The following TNR variants were observed in gnomAD, a reference collection of about 807,000 sequenced individuals.
TNR encodes tenascin-R.
A neutral mutation model predicts 150.4 loss-of-function variants in TNR; 45 were observed. That is an observed-to-expected ratio of 0.30 (90% confidence interval 0.24 to 0.38). The LOEUF (loss-of-function observed/expected upper bound fraction) is 0.38, where lower values mean the gene tolerates loss of function less well. Among genes scored for constraint, TNR ranks in the 10% least tolerant of loss-of-function variants. The pLI, the probability that TNR is intolerant of heterozygous loss-of-function variation, is 1.00. For synonymous variants in TNR, 687 were observed against 678.4 expected (o/e 1.01, Z -0.20); for missense variants, 1,544 against 1,759.1 (o/e 0.88, Z 2.19).
chr1:175,550,265 G>A (rs574921927), intron 1 of TNR, among the ~76,000 whole-genome samples: 1 of 152,308 alleles, frequency 6.6e-6, no homozygotes, highest in East Asian at 1.9e-4. Context: ...TAGGCAGGAG[G>A]CTGCATGAGG....
intron 18 of TNR, among the ~76,000 whole-genome samples, chr1:175,346,806 G>A (rs73036258): frequency 0.02 from 2,884 of 146,120 alleles, 96 homozygotes; most frequent in African/African-American, 0.069. Context: ...ACAAAGAAAC[G>A]AAAAGACACA....
At chr1:175,430,229 T>A (rs1258344935) in intron 2 of TNR, among the ~76,000 whole-genome samples, 1 of 152,142 alleles carries the variant, frequency 6.6e-6, no homozygotes, top group East Asian at 1.9e-4. Context: ...TTGTTTAGAA[T>A]TGACTCTGCT....
At chr1:175,714,524 A>C (rs1224896144) in intron 1 of TNR, among the ~76,000 whole-genome samples, 1 of 152,190 alleles carries the variant, frequency 6.6e-6, no homozygotes, top group Non-Finnish European at 1.5e-5. Flanking sequence ...AATTCTAGAT[A>C]GATGGGCTGG....
chr1:175,735,794 C>A (rs567228900), intron 1 of TNR, among the ~76,000 whole-genome samples: 51 of 152,190 alleles, frequency 3.4e-4, no homozygotes, highest in African/African-American at 1.1e-3. Context: ...AAAGGAAACC[C>A]AAGTGTTCAT....
chr1:175,496,460 T>A (rs1173752632), intron 2 of TNR, among the ~76,000 whole-genome samples: 2 of 152,224 alleles, frequency 1.3e-5, no homozygotes, highest in African/African-American at 2.4e-5. Flanking sequence ...GACTCGGGGC[T>A]GCCATATGCA....
chr1:175,582,688 C>G (rs1279036433), intron 1 of TNR, among the ~76,000 whole-genome samples: 2 of 152,174 alleles, frequency 1.3e-5, no homozygotes. Context: ...AGGACCACAC[C>G]ACTATGGAGA....
chr1:175,380,413 A>G (rs1343478837), intron 8 of TNR, among the ~76,000 whole-genome samples: 1 of 152,108 alleles, frequency 6.6e-6, no homozygotes, highest in African/African-American at 2.4e-5. Flanking sequence ...TAGGCAATCC[A>G]TGGGCATCTG....
At chr1:175,544,407 G>C (rs891176090) in intron 1 of TNR, among the ~76,000 whole-genome samples, 1 of 152,168 alleles carries the variant, frequency 6.6e-6, no homozygotes. Context: ...CGGGATAGGG[G>C]CAGGGAGGAA....
chr1:175,629,627 G>A (rs1664262867), intron 1 of TNR, among the ~76,000 whole-genome samples: 1 of 152,264 alleles, frequency 6.6e-6, no homozygotes, highest in South Asian at 2.1e-4. Context: ...AGGCTGCAAG[G>A]GGTTGCAGGA....
At chr1:175,327,207 C>A (rs1436464288) in intron 21 of TNR, among the ~76,000 whole-genome samples, 1 of 152,116 alleles carries the variant, frequency 6.6e-6, no homozygotes, top group Non-Finnish European at 1.5e-5. Flanking sequence ...CTGAGGCTGC[C>A]TTCCACTGTC....
At chr1:175,473,796 A>G (rs1441162128) in intron 2 of TNR, among the ~76,000 whole-genome samples, 1 of 152,174 alleles carries the variant, frequency 6.6e-6, no homozygotes, top group Non-Finnish European at 1.5e-5. Flanking sequence ...TGTACAATCT[A>G]CCCGGAAAGA....
intron 2 of TNR, among the ~76,000 whole-genome samples, chr1:175,436,425 C>T (rs1168964767): frequency 6.6e-6 from 1 of 152,128 alleles, no homozygotes; most frequent in African/African-American, 2.4e-5. Context: ...TCCAGTTAAT[C>T]GAATCGGCTA....
intron 1 of TNR, among the ~76,000 whole-genome samples, chr1:175,711,246 G>A (rs1026299766): frequency 6.6e-6 from 1 of 152,166 alleles, no homozygotes; most frequent in African/African-American, 2.4e-5. Context: ...AAGTTCACCA[G>A]GGCAGGCTTC....
chr1:175,536,730 T>C (rs1280604112), intron 1 of TNR, among the ~76,000 whole-genome samples: 1 of 152,144 alleles, frequency 6.6e-6, no homozygotes, highest in Non-Finnish European at 1.5e-5. Context: ...GGCAGCAGAG[T>C]CTGGGCTGAG....
At chr1:175,518,219 T>G (rs1313684359) in intron 2 of TNR, among the ~76,000 whole-genome samples, 1 of 152,224 alleles carries the variant, frequency 6.6e-6, no homozygotes, top group Admixed American at 6.5e-5. Flanking sequence ...CAAGCTTGAA[T>G]TGCTGCTTCT....
At chr1:175,331,083 T>TTCTTTCCTTC (rs1649838499) in intron 20 of TNR, among the ~76,000 whole-genome samples, 6 of 87,124 alleles carry the variant, frequency 6.9e-5, no homozygotes, top group Admixed American at 1.1e-4. Context: ...CTTTCCTTCT[T>TTCTTTCCTTC]TCTTTCTTTC....
At chr1:175,446,837 G>A (rs1055956492) in intron 2 of TNR, among the ~76,000 whole-genome samples, 1 of 152,092 alleles carries the variant, frequency 6.6e-6, no homozygotes, top group South Asian at 2.1e-4. Context: ...GGCTGCCTTG[G>A]ACTTTTGTTG....
intron 13 of TNR, among the ~76,000 whole-genome samples, chr1:175,363,458 A>T (rs1050833324): frequency 1.3e-5 from 2 of 152,154 alleles, no homozygotes; most frequent in African/African-American, 4.8e-5. Context: ...CACTGCCTAG[A>T]TAATGGTGAT....
chr1:175,738,322 G>A (rs909034482), intron 1 of TNR, among the ~76,000 whole-genome samples: 15 of 152,270 alleles, frequency 9.9e-5, no homozygotes, highest in African/African-American at 3.4e-4. Flanking sequence ...TACATACAGT[G>A]GAATATTATT....
Sources: allele counts gnomAD v4.1 joint callset (sites outside exome capture counted in the v4.1 genomes callset), GRCh38; gene constraint gnomAD v4.1.1; transcripts MANE v1.5; gene names NCBI Gene and HGNC (gene_info 2026-07-23, HGNC 2026-07-21).